The following ERLIN1 variants were observed in gnomAD, a reference collection of about 807,000 sequenced individuals.
ERLIN1 encodes erlin-1.
In ERLIN1, 24 loss-of-function variants were observed where a neutral mutation model predicts 46.9. That is an observed-to-expected ratio of 0.51 (90% confidence interval 0.37 to 0.72). The LOEUF is 0.72. Ranked by LOEUF, ERLIN1 falls within the 30% of genes least tolerant of loss-of-function variation. ERLIN1 has a pLI of 0.00. For missense variants in ERLIN1, 293 were observed against 417.9 expected, an observed-to-expected ratio of 0.70 and a Z score of 2.61; for synonymous variants, 158 against 143.2, an observed-to-expected ratio of 1.10 and a Z score of -0.74.
At chr10:100,183,042 T>C (rs1844753173) in intron 2 of ERLIN1, among the ~76,000 whole-genome samples, 1 of 152,264 alleles carries the variant, frequency 6.6e-6, no homozygotes, top group Admixed American at 6.5e-5. Context: ...GATTACAAGA[T>C]TAAATAACAC....
intron 8 of ERLIN1, among the ~76,000 whole-genome samples, chr10:100,157,148 T>G (rs1843124431): frequency 6.6e-6 from 1 of 152,242 alleles, no homozygotes; most frequent in Non-Finnish European, 1.5e-5. Context: ...CTAGGAGACC[T>G]CTGTCTTGAG....
intron 1 of ERLIN1, 103 bp from the exon 2 acceptor site, chr10:100,183,940 C>A: frequency 1.3e-6 from 1 of 747,158 alleles, no homozygotes; most frequent in South Asian, 1.7e-5. Flanking sequence ...TGCTGCTGAC[C>A]TACTAAAGCC....
chr10:100,160,107 C>A (rs1416287219), intron 8 of ERLIN1, among the ~76,000 whole-genome samples: 2 of 151,906 alleles, frequency 1.3e-5, no homozygotes, highest in Admixed American at 1.3e-4. Context: ...ATTCTACGAA[C>A]AAATTTATGC....
Position 100,175,855 on chromosome 10 carries a change from G to A in ERLIN1, c.430+90C>T, listed in dbSNP as rs1189721928. The A allele has an allele frequency of 2.8e-6, 3 of 1,066,010 alleles. No homozygotes were observed. The African/African-American group carries it at 4.7e-5, about 17-fold the overall frequency. The allele number at this position is 1,066,010 out of a possible 1,614,324, so 66.0% of individuals were successfully genotyped here. A position where few individuals can be genotyped will look rare whatever the true frequency, so the allele number is the denominator to read the frequency against. On this transcript the variant is annotated intron_variant, in intron 5 of 10. Coordinates refer to ENST00000421367, the MANE Select transcript of ERLIN1 (RefSeq NM_006459.4). ...TAAATTCAGAAGAAATGCTTAAATAGCACTAAGGTTTACCAATATAACCTC... is the reference window on the plus strand; with the variant it reads ...TAAATTCAGAAGAAATGCTTAAATAACACTAAGGTTTACCAATATAACCTC...
intron 8 of ERLIN1, among the ~76,000 whole-genome samples, chr10:100,163,345 A>G (rs2134125311): frequency 6.6e-6 from 1 of 150,444 alleles, no homozygotes; most frequent in Admixed American, 6.7e-5. Context: ...GAACATACAA[A>G]GGAGGCTTCA....
intron 5 of ERLIN1, 111 bp from the exon 6 acceptor site, chr10:100,174,392 T>C: frequency 1.3e-6 from 1 of 779,404 alleles, no homozygotes; most frequent in South Asian, 1.6e-5. Context: ...CACAGTACTA[T>C]TCTTTTACAG....
Position 100,184,256 on chromosome 10 carries a change from T to C in ERLIN1, c.114-419A>G, listed in dbSNP as rs148844055. Among the ~76,000 whole-genome samples the C allele has an allele frequency of 6.6e-3, 1,007 of 152,216 alleles. 10 individuals are homozygous for C. The highest frequency in any genetic ancestry group is 0.037 in the Middle Eastern group (11 of 294). On this transcript the variant is annotated intron_variant, in intron 1 of 10. Transcript: ENST00000421367. ...GGTTGAAAAAAAGACAATGCAAACT[T>C]TGAAGTAAAGAGAAAATTTCTGAGG...
intron 1 of ERLIN1, 48 bp downstream of exon 1, chr10:100,185,466 C>A (rs768422507): frequency 2.1e-6 from 3 of 1,400,242 alleles, no homozygotes; most frequent in South Asian, 2.3e-5. Context: ...CTCTGGAGTA[C>A]CCTTTTAATC....
chr10:100,168,427 C>G (rs1843771243), intron 6 of ERLIN1, among the ~76,000 whole-genome samples: 1 of 152,168 alleles, frequency 6.6e-6, no homozygotes, highest in African/African-American at 2.4e-5. Context: ...CAGCTGAAGG[C>G]TGTGTGGAAA....
chr10:100,172,037 T>C (rs1844031137), intron 6 of ERLIN1, among the ~76,000 whole-genome samples: 1 of 152,218 alleles, frequency 6.6e-6, no homozygotes, highest in South Asian at 2.1e-4. Flanking sequence ...GCATACACTT[T>C]GATCATCAAT....
chr10:100,171,804 C>G (rs1238050411), intron 6 of ERLIN1, among the ~76,000 whole-genome samples: 1 of 152,070 alleles, frequency 6.6e-6, no homozygotes, highest in African/African-American at 2.4e-5. Context: ...AGCTAATAAC[C>G]TAGGGTATTC....
chr10:100,155,003 C>A, intron 9 of ERLIN1, 64 bp from the exon 10 acceptor site: 1 of 1,327,078 alleles, frequency 7.5e-7, no homozygotes, highest in South Asian at 1.2e-5. Context: ...TCCCTTTCCC[C>A]ACTGCTTAAT....
chr10:100,154,878 T>G lies in ERLIN1; in HGVS notation c.807A>C (p.Lys269Asn), dbSNP rs1358982636. The G allele has an allele frequency of 6.2e-7, 1 of 1,613,802 alleles. No homozygotes were observed. Among genetic ancestry groups the G allele is most frequent in the Non-Finnish European group, 8.5e-7 (1 of 1,179,814 alleles). Residue 269 changes from lysine (K) to asparagine (N), a missense_variant, in exon 10 of 11, where the codon AAA becomes AAC. By Grantham distance (94) the Lys-to-Asn change is moderately conservative. Coordinates refer to ENST00000421367, the MANE Select transcript of ERLIN1 (RefSeq NM_006459.4). ...KADAEYYAAH[K>N]YATSNKHKLT... Reference sequence around the variant, plus strand: ...CAGTCACCTTGTTTGAGGTGGCATATTTGTGTGCAGCATAATATTCAGCAT... The same window carrying G: ...CAGTCACCTTGTTTGAGGTGGCATAGTTGTGTGCAGCATAATATTCAGCAT...
chr10:100,180,702 G>A (rs1388918807), intron 2 of ERLIN1, among the ~76,000 whole-genome samples: 2 of 152,288 alleles, frequency 1.3e-5, no homozygotes, highest in East Asian at 3.9e-4. Flanking sequence ...ACTAGACAGA[G>A]GGCCCTGAAT....
At chr10:100,163,028 A>T (rs1843442530) in intron 8 of ERLIN1, among the ~76,000 whole-genome samples, 1 of 152,236 alleles carries the variant, frequency 6.6e-6, no homozygotes, top group Admixed American at 6.5e-5. Flanking sequence ...GCCCGCTCAT[A>T]GAACGAAAAA....
At position 100,152,278 on chromosome 10, in the gene ERLIN1, G is replaced by A. The variant is rs1842845594; in HGVS notation, c.900C>T (p.Gly300=). ...CCACGAACATGTTAGGGATGTTGCTGCCAAAATAGATCTTACTGTTAGAAG... is the reference window on the plus strand; with the variant it reads ...CCACGAACATGTTAGGGATGTTGCTACCAAAATAGATCTTACTGTTAGAAG... ...AIASNSKIYF[G]SNIPNMFVDS... is the part of the protein sequence containing the mutation. The change falls in exon 11 of 11, where the codon GGC becomes GGT. Residue 300 remains glycine (G), a synonymous_variant. Coordinates refer to ENST00000421367, the MANE Select transcript of ERLIN1 (RefSeq NM_006459.4). The A allele has an allele frequency of 1.2e-6, 2 of 1,612,924 alleles. No homozygotes were observed. The highest frequency in any genetic ancestry group is 2.2e-5 in the East Asian group (1 of 44,892).
At position 100,156,164 on chromosome 10, in the gene ERLIN1, C is replaced by T; in HGVS notation, c.726G>A (p.Lys242=). Residue 242 remains lysine (K), a synonymous_variant, in exon 9 of 11, where the codon AAG becomes AAA. Transcript: ENST00000421367. ...ATGTACCTTCGATTTCAGAAATGCGCTTTTCAGTTTCTTTTTCCATCACTT... is the reference window on the plus strand; with the variant it reads ...ATGTACCTTCGATTTCAGAAATGCGTTTTTCAGTTTCTTTTTCCATCACTT... ...QQKVMEKETE[K]RISEIEDAAF... 1.2e-6 allele frequency: 2 copies of T among 1,612,780 alleles called. No individual in the cohort carries two copies. Among genetic ancestry groups the T allele is most frequent in the Non-Finnish European group, 1.7e-6 (2 of 1,179,010 alleles).
chr10:100,168,800 C>T (rs1843805948), intron 6 of ERLIN1, among the ~76,000 whole-genome samples: 1 of 151,994 alleles, frequency 6.6e-6, no homozygotes, highest in Admixed American at 6.6e-5. Flanking sequence ...CTGCCTCAGC[C>T]TCCTTAGTTG....
intron 2 of ERLIN1, among the ~76,000 whole-genome samples, chr10:100,181,521 T>TTC (rs1844645525): frequency 6.6e-6 from 1 of 150,448 alleles, no homozygotes; most frequent in African/African-American, 2.5e-5. Context: ...CTCTTTTTTT[T>TTC]TTTTTTTTTT....
Sources: allele counts gnomAD v4.1 joint callset (sites outside exome capture counted in the v4.1 genomes callset), GRCh38; gene constraint gnomAD v4.1.1; transcripts MANE v1.5; gene names NCBI Gene and HGNC (gene_info 2026-07-23, HGNC 2026-07-21).